MRPL1: variants seen among roughly 807,000 people sequenced by gnomAD.
MRPL1 encodes the protein large ribosomal subunit protein uL1m.
A neutral mutation model predicts 38.0 loss-of-function variants in MRPL1; 28 were observed. That is an observed-to-expected ratio of 0.74 (90% confidence interval 0.55 to 1.01). MRPL1 has a LOEUF of 1.01. Ranked by LOEUF, MRPL1 falls within the 50% of genes least tolerant of loss-of-function variation. MRPL1 has a pLI of 0.00. For missense variants in MRPL1, 358 were observed against 389.8 expected (o/e 0.92, Z 0.69); for synonymous variants, 123 against 126.7 (o/e 0.97, Z 0.20).
rs1171777491 is a variant in MRPL1, at chr4:77,883,228, T to C, written c.144-14T>C. 5 of 1,507,774 alleles carry C rather than the reference T, an allele frequency of 3.3e-6. No homozygotes were observed. The highest frequency in any genetic ancestry group is 4.7e-4 in the Middle Eastern group (2 of 4,294). 93.4% of individuals were successfully genotyped at this position (1,507,774 alleles called of 1,614,324 possible). On this transcript the variant is annotated splice_polypyrimidine_tract_variant and intron_variant, in intron 2 of 8. Coordinates refer to ENST00000315567, the MANE Select transcript of MRPL1 (RefSeq NM_020236.4). ...GATATATATTGATATAACTCAACTT[T>C]ATTTTCTTTTAAGGTCTGCAAAGAA...
At chr4:77,923,344 C>T (rs1736624893) in intron 7 of MRPL1, among the ~76,000 whole-genome samples, 1 of 152,198 alleles carries the variant, frequency 6.6e-6, no homozygotes, top group Admixed American at 6.5e-5. Flanking sequence ...GATCTGCCCG[C>T]CTCAGCCTCC....
At chr4:77,942,103 T>A (rs1294561304) in intron 7 of MRPL1, among the ~76,000 whole-genome samples, 1 of 152,188 alleles carries the variant, frequency 6.6e-6, no homozygotes, top group Admixed American at 6.5e-5. Context: ...AATAATTTTT[T>A]AATTTCCATC....
intron 6 of MRPL1, among the ~76,000 whole-genome samples, chr4:77,897,728 C>T (rs1290641126): frequency 6.6e-6 from 1 of 152,160 alleles, no homozygotes; most frequent in Non-Finnish European, 1.5e-5. Context: ...GCATTTTTAA[C>T]TCATAGAATA....
intron 2 of MRPL1, among the ~76,000 whole-genome samples, chr4:77,876,857 T>C (rs984729495): frequency 6.6e-6 from 1 of 152,092 alleles, no homozygotes; most frequent in African/African-American, 2.4e-5. Flanking sequence ...CTGGTTTTGT[T>C]TCTCTCTTGA....
At chr4:77,886,824 A>C (rs1735688609) in intron 4 of MRPL1, among the ~76,000 whole-genome samples, 1 of 108,312 alleles carries the variant, frequency 9.2e-6, no homozygotes, top group Non-Finnish European at 1.7e-5. Flanking sequence ...ATGGAGTCTC[A>C]CTCTGCCACC....
chr4:77,931,688 T>G (rs1385237511), intron 7 of MRPL1, among the ~76,000 whole-genome samples: 4 of 152,240 alleles, frequency 2.6e-5, no homozygotes, highest in Non-Finnish European at 4.4e-5. Context: ...TTAGTCATCT[T>G]GTGTTGGTAT....
rs560075991 is a variant in MRPL1, at chr4:77,921,995, G to T, written c.777+12623G>T. On this transcript the variant is annotated intron_variant, in intron 7 of 8. Transcript: ENST00000315567. ...GCCAGGCGTTACTCTAGATAATGGG[G>T]TTATATACATCAACAAAGTAGACAA... is the stretch of plus-strand genomic sequence containing the variant. Among the ~76,000 whole-genome samples, 3 of 152,160 alleles carry T rather than the reference G, an allele frequency of 2.0e-5. 1 individual carries two copies. In the South Asian group the frequency reaches 6.2e-4, roughly 32 times the overall value.
chr4:77,872,870 A>G (rs1006366245), intron 2 of MRPL1, among the ~76,000 whole-genome samples: 2 of 152,076 alleles, frequency 1.3e-5, no homozygotes, highest in African/African-American at 4.8e-5. Flanking sequence ...CTCAAAACAA[A>G]AAACAAAACA....
At position 77,885,608 on chromosome 4, in the gene MRPL1, G is replaced by A. The variant is rs555158434; in HGVS notation, c.486+269G>A. ...TCTTGATCTCTTGACCTTGTGATCC[G>A]CCCGCCTCGGCCTCCCAAAGTGCTG... is the stretch of plus-strand genomic sequence containing the variant. On this transcript the variant is annotated intron_variant, in intron 4 of 8. Coordinates refer to ENST00000315567, the MANE Select transcript of MRPL1 (RefSeq NM_020236.4). 3.4e-3 allele frequency among the ~76,000 whole-genome samples: 511 copies of A among 152,110 alleles called. 4 individuals are homozygous for A. The highest frequency in any genetic ancestry group is 0.011 in the African/African-American group (451 of 41,504).
At chr4:77,911,806 C>T (rs1159762766) in intron 7 of MRPL1, among the ~76,000 whole-genome samples, 3 of 152,090 alleles carry the variant, frequency 2.0e-5, no homozygotes, top group Non-Finnish European at 4.4e-5. Context: ...AACCACAATG[C>T]AGTATCATTC....
chr4:77,909,460 C>T, intron 7 of MRPL1, 88 bp downstream of exon 7: 2 of 825,936 alleles, frequency 2.4e-6, no homozygotes, highest in Non-Finnish European at 3.8e-6. Context: ...AAATGCCAGT[C>T]ATTTGAACTT....
chr4:77,885,669 C>A (rs1560462166), intron 4 of MRPL1, among the ~76,000 whole-genome samples: 1 of 152,056 alleles, frequency 6.6e-6, no homozygotes, highest in Non-Finnish European at 1.5e-5. Context: ...CCAGCCTCAT[C>A]ATTTAATTTT....
intron 7 of MRPL1, among the ~76,000 whole-genome samples, chr4:77,920,676 T>G (rs553937597): frequency 6.6e-6 from 1 of 152,322 alleles, no homozygotes; most frequent in South Asian, 2.1e-4. Context: ...CATACTTTTA[T>G]GTCCCGAACA....
chr4:77,907,463 G>A (rs1026092743), intron 6 of MRPL1, among the ~76,000 whole-genome samples: 10 of 148,658 alleles, frequency 6.7e-5, no homozygotes, highest in Admixed American at 2.0e-4. Context: ...TTTTCTCATG[G>A]GTCTTTCTCT....
Position 77,952,562 on chromosome 4 carries a change from G to GT in MRPL1, c.933_934insT (p.Pro312SerfsTer2). The GT allele has an allele frequency of 6.2e-7, 1 of 1,612,856 alleles. No individual in the cohort carries two copies. Among genetic ancestry groups the GT allele is most frequent in the Middle Eastern group, 1.7e-4 (1 of 6,052 alleles). ...TATTACTGAAGATTGATCCATTGTT[G>GT]CCTAAAGAAGTAAAAAATGAAGAAA... On this transcript the variant is annotated frameshift_variant, in exon 9 of 9. Coordinates refer to ENST00000315567, the MANE Select transcript of MRPL1 (RefSeq NM_020236.4). LOFTEE classifies it high-confidence loss of function.
At chr4:77,928,838 A>G (rs1736780434) in intron 7 of MRPL1, among the ~76,000 whole-genome samples, 1 of 152,154 alleles carries the variant, frequency 6.6e-6, no homozygotes. Flanking sequence ...GTTCTTACCT[A>G]TATTATCACA....
intron 7 of MRPL1, among the ~76,000 whole-genome samples, chr4:77,912,628 TC>T (rs1362064449): frequency 6.6e-6 from 1 of 152,124 alleles, no homozygotes; most frequent in African/African-American, 2.4e-5. Flanking sequence ...ATATCAATTT[TC>T]CCCAAGGTAA....
chr4:77,871,741 A>C lies in MRPL1; in HGVS notation c.32-3A>C. 6.9e-7 allele frequency: 1 copy of C among 1,444,456 alleles called. No individual in the cohort carries two copies. The highest frequency in any genetic ancestry group is 9.3e-7 in the Non-Finnish European group (1 of 1,072,416). The allele number at this position is 1,444,456 out of a possible 1,614,324, so 89.5% of individuals were successfully genotyped here. ...TAATATTTTACATGTTTTTCCTTTCAAGCCTTGATACATCATCAAAGGCAT... is the reference window on the plus strand; with the variant it reads ...TAATATTTTACATGTTTTTCCTTTCCAGCCTTGATACATCATCAAAGGCAT... On this transcript the variant is annotated splice_region_variant and splice_polypyrimidine_tract_variant and intron_variant, in intron 1 of 8. Transcript: ENST00000315567.
At chr4:77,944,400 T>A (rs1737206153) in intron 7 of MRPL1, among the ~76,000 whole-genome samples, 1 of 152,224 alleles carries the variant, frequency 6.6e-6, no homozygotes, top group African/African-American at 2.4e-5. Flanking sequence ...CTCTTTGTCC[T>A]TCAAAATTCT....
Sources: allele counts gnomAD v4.1 joint callset (sites outside exome capture counted in the v4.1 genomes callset), GRCh38; gene constraint gnomAD v4.1.1; transcripts MANE v1.5; gene names NCBI Gene and HGNC (gene_info 2026-07-23, HGNC 2026-07-21).